CFAP20DC: variants seen among roughly 807,000 people sequenced by gnomAD.
CFAP20DC encodes the protein CFAP20 domain containing.
CFAP20DC carries 84 observed loss-of-function variants against 101.7 expected under a neutral mutation model. The observed-to-expected ratio is 0.83, with a 90% confidence interval of 0.69 to 0.99. The LOEUF is 0.99. Among genes scored for constraint, CFAP20DC ranks in the 50% least tolerant of loss-of-function variants. CFAP20DC has a pLI of 0.00. For missense variants in CFAP20DC, 1,007 were observed against 970.3 expected, an observed-to-expected ratio of 1.04 and a Z score of -0.50; for synonymous variants, 359 against 351.2, an observed-to-expected ratio of 1.02 and a Z score of -0.25.
intron 15 of CFAP20DC, among the ~76,000 whole-genome samples, chr3:58,770,690 G>A (rs182843300): frequency 6.8e-4 from 104 of 152,256 alleles, no homozygotes; most frequent in African/African-American, 2.4e-3. Context: ...ATGCTTAGAT[G>A]GCAAACTAAG....
intron 5 of CFAP20DC, among the ~76,000 whole-genome samples, chr3:58,929,916 T>C (rs1475443028): frequency 6.6e-6 from 1 of 152,168 alleles, no homozygotes; most frequent in East Asian, 1.9e-4. Context: ...GGAACCTCCT[T>C]GGTTCTCTTC....
chr3:58,812,022 T>C (rs2107794731), intron 14 of CFAP20DC, among the ~76,000 whole-genome samples: 1 of 152,168 alleles, frequency 6.6e-6, no homozygotes, highest in South Asian at 2.1e-4. Context: ...CTCACACCAG[T>C]TAGAATGGCA....
chr3:58,725,870 G>A (rs1553641443), intron 3 of CFAP20DC: 2 of 182,702 alleles, frequency 1.1e-5, no homozygotes, highest in Admixed American at 6.1e-5. Context: ...ATTTTTTTGG[G>A]GCTGAGCTTC....
intron 3 of CFAP20DC, among the ~76,000 whole-genome samples, chr3:58,720,459 T>C (rs2067456093): frequency 3.3e-5 from 5 of 152,216 alleles, no homozygotes; most frequent in South Asian, 2.1e-4. Flanking sequence ...TAATACTCCC[T>C]GGGCTCTAAG....
rs911390641 is a variant in CFAP20DC at position 58,863,420 on chromosome 3, G to A, written c.1593+138C>T. On this transcript the variant is annotated intron_variant, in intron 12 of 16. Transcript: ENST00000482387. This position sits in a 1 kb window ranked among gnomAD's most constrained non-coding sequence, Gnocchi z 5.9. ...GTTACCATAACAACCTGATGCAACT[G>A]TGGACTGACATGGCAATCTGTTGCA... 4.8e-6 allele frequency: 7 copies of A among 1,455,388 alleles called. No individual in the cohort carries two copies. Among genetic ancestry groups the A allele is most frequent in the Non-Finnish European group, 6.3e-6 (7 of 1,109,288 alleles). The allele number at this position is 1,455,388 out of a possible 1,614,324, so 90.2% of individuals were successfully genotyped here.
intron 5 of CFAP20DC, among the ~76,000 whole-genome samples, chr3:58,925,400 A>C (rs1296596490): frequency 1.3e-5 from 2 of 152,162 alleles, no homozygotes; most frequent in African/African-American, 4.8e-5. Context: ...AATTATTTAC[A>C]TGTTTGCCTT....
intron 4 of CFAP20DC, among the ~76,000 whole-genome samples, chr3:58,980,780 C>A (rs1013404000): frequency 3.9e-5 from 6 of 152,298 alleles, no homozygotes; most frequent in African/African-American, 1.2e-4. Context: ...GAGGCATTAC[C>A]TTTGAAAACT....
At chr3:59,024,043 A>C (rs1379945457) in intron 4 of CFAP20DC, among the ~76,000 whole-genome samples, 1 of 152,152 alleles carries the variant, frequency 6.6e-6, no homozygotes, top group Non-Finnish European at 1.5e-5. Flanking sequence ...GATGATTTTT[A>C]ATTATCTAAC....
At chr3:59,010,269 A>G (rs1419066619) in intron 4 of CFAP20DC, among the ~76,000 whole-genome samples, 1 of 152,144 alleles carries the variant, frequency 6.6e-6, no homozygotes, top group African/African-American at 2.4e-5. Flanking sequence ...GAATGGCAGA[A>G]TGAATACAAA....
chr3:58,819,203 T>C (rs2075425148), intron 14 of CFAP20DC, among the ~76,000 whole-genome samples: 1 of 149,882 alleles, frequency 6.7e-6, no homozygotes, highest in African/African-American at 2.5e-5. Context: ...AGATCCAAAA[T>C]TGACACCCTA....
At chr3:58,881,695 C>A (rs2081240112) in intron 7 of CFAP20DC, among the ~76,000 whole-genome samples, 3 of 152,126 alleles carry the variant, frequency 2.0e-5, no homozygotes, top group Admixed American at 6.5e-5. Context: ...TATGTGCATT[C>A]ATAATAAAAT....
intron 15 of CFAP20DC, among the ~76,000 whole-genome samples, chr3:58,768,986 G>T (rs1278508275): frequency 6.6e-6 from 1 of 152,204 alleles, no homozygotes; most frequent in South Asian, 2.1e-4. Flanking sequence ...TTATAAAAAG[G>T]TAAGAACAGG....
chr3:58,969,796 A>G (rs896687922), intron 4 of CFAP20DC, among the ~76,000 whole-genome samples: 2 of 152,198 alleles, frequency 1.3e-5, no homozygotes, highest in Non-Finnish European at 2.9e-5. Context: ...CACATATAGT[A>G]TGGTTCCACT....
At position 58,912,565 on chromosome 3, in the gene CFAP20DC, C is replaced by A; in HGVS notation, c.550+1143G>T. 2.8e-6 allele frequency: 1 copy of A among 354,956 alleles called. No homozygotes were observed. The highest frequency in any genetic ancestry group is 7.7e-5 in the East Asian group (1 of 13,044). The allele number at this position is 354,956 out of a possible 1,614,324, so 22.0% of individuals were successfully genotyped here. On this transcript the variant is annotated intron_variant, in intron 6 of 16. Transcript: ENST00000482387. The surrounding 1 kb of genome is among the most constrained non-coding windows in gnomAD (Gnocchi z 4.4). ...CTAGATAGAAACTTCTAAGTAATCACCTTTGACATCTTATATGCAGCCCTG... is the reference window on the plus strand; with the variant it reads ...CTAGATAGAAACTTCTAAGTAATCAACTTTGACATCTTATATGCAGCCCTG...
rs1325213655 is a variant in CFAP20DC, at chr3:58,728,992, A to C, written c.198-11364T>G. Reference sequence around the variant, plus strand: ...AGCTCCCTTTGTGGCTTCTTGGATCATTTCTCTGAAGGAAGCCAACCACAA... The same window carrying C: ...AGCTCCCTTTGTGGCTTCTTGGATCCTTTCTCTGAAGGAAGCCAACCACAA... On this transcript the variant is annotated intron_variant, in intron 3 of 3. Coordinates refer to the CFAP20DC transcript ENST00000486145. The surrounding 1 kb of genome is among the most constrained non-coding windows in gnomAD (Gnocchi z 4.7). Among the ~76,000 whole-genome samples the C allele has an allele frequency of 6.6e-6, 1 of 152,148 alleles. No individual in the cohort carries two copies. The highest frequency in any genetic ancestry group is 2.4e-5 in the African/African-American group (1 of 41,428).
intron 13 of CFAP20DC, among the ~76,000 whole-genome samples, chr3:58,835,719 T>C (rs2076692524): frequency 6.6e-6 from 1 of 152,200 alleles, no homozygotes; most frequent in African/African-American, 2.4e-5. Context: ...GTCAGGTAAT[T>C]AACTTAGTCC....
rs1400288254 is a variant in CFAP20DC, at chr3:58,729,813, G to T, written c.198-12185C>A. 2.0e-5 allele frequency among the ~76,000 whole-genome samples: 3 copies of T among 152,054 alleles called. No individual in the cohort carries two copies. Among genetic ancestry groups the T allele is most frequent in the Non-Finnish European group, 4.4e-5 (3 of 68,016 alleles). ...GAGGGTGAATTGCCTGAGGTCAGGA[G>T]TTCGAGACCAGCGTGACCAACACGG... On this transcript the variant is annotated intron_variant, in intron 3 of 3. Transcript: ENST00000486145. This position sits in a 1 kb window ranked among gnomAD's most constrained non-coding sequence, Gnocchi z 4.4.
chr3:59,026,270 T>C (rs564661605), intron 4 of CFAP20DC, among the ~76,000 whole-genome samples: 2 of 152,308 alleles, frequency 1.3e-5, no homozygotes, highest in Admixed American at 6.5e-5. Flanking sequence ...ACCACTTTAG[T>C]GTACAATACT....
At chr3:59,019,617 G>C (rs1054300226) in intron 4 of CFAP20DC, among the ~76,000 whole-genome samples, 3 of 151,952 alleles carry the variant, frequency 2.0e-5, no homozygotes, top group Non-Finnish European at 4.4e-5. Context: ...TGGGATTTGG[G>C]GATTATCTGT....
Sources: gnomAD v4.1 joint callset for allele counts (sites outside exome capture counted in the v4.1 genomes callset) on GRCh38, gnomAD v4.1.1 for gene constraint, Gnocchi (gnomAD v3.1) non-coding constraint, MANE v1.5 for transcripts, NCBI Gene and HGNC (gene_info 2026-07-23, HGNC 2026-07-21) for gene names.